Variants in ESRRG observed in about 807,000 individuals in gnomAD.
ESRRG encodes the protein estrogen-related receptor gamma.
Under a neutral mutation model 44.0 loss-of-function variants are expected in ESRRG, and 13 were observed. The ratio of observed to expected loss-of-function variants is 0.30; its 90% CI spans 0.19 to 0.47. ESRRG has a LOEUF of 0.47. Ranked by LOEUF, ESRRG falls within the 20% of genes least tolerant of loss-of-function variation. The pLI is 1.00. For missense variants in ESRRG, 395 were observed against 580.6 expected (o/e 0.68, Z 3.29); for synonymous variants, 215 against 214.6 (o/e 1.00, Z -0.02).
At chr1:216,798,737 A>G (rs1484849978) in intron 2 of ESRRG, among the ~76,000 whole-genome samples, 1 of 152,192 alleles carries the variant, frequency 6.6e-6, no homozygotes, top group African/African-American at 2.4e-5. Context: ...TTTGACAAAT[A>G]GACTGAAATA....
At position 216,507,192 on chromosome 1, in the gene ESRRG, T is replaced by G; in HGVS notation, c.1133-9A>C. On this transcript the variant is annotated splice_polypyrimidine_tract_variant and intron_variant, in intron 6 of 6. Coordinates refer to ENST00000408911, the MANE Select transcript of ESRRG (RefSeq NM_001438.4). ...TTCTATGTGCATGGAGTCTGTGCAATGAAGCAAAAGATATGAGTAATTATA... is the reference window on the plus strand; with the variant it reads ...TTCTATGTGCATGGAGTCTGTGCAAGGAAGCAAAAGATATGAGTAATTATA... 6.3e-7 allele frequency: 1 copy of G among 1,577,388 alleles called. No homozygotes were observed. Among genetic ancestry groups the G allele is most frequent in the Non-Finnish European group, 8.6e-7 (1 of 1,159,550 alleles).
chr1:216,598,782 A>G (rs1003268236), intron 3 of ESRRG, among the ~76,000 whole-genome samples: 11 of 152,134 alleles, frequency 7.2e-5, no homozygotes, highest in Non-Finnish European at 1.6e-4. Flanking sequence ...CTTCTAAGCT[A>G]TTTGTATACC....
intron 1 of ESRRG, among the ~76,000 whole-genome samples, chr1:216,950,956 T>C (rs913676189): frequency 6.6e-6 from 1 of 152,178 alleles, no homozygotes; most frequent in African/African-American, 2.4e-5. Flanking sequence ...CGAGATGTGA[T>C]ATCTTCTAAT....
intron 5 of ESRRG, among the ~76,000 whole-genome samples, chr1:216,553,465 C>A (rs1322820610): frequency 6.6e-6 from 1 of 152,126 alleles, no homozygotes; most frequent in Non-Finnish European, 1.5e-5. Context: ...AGAAATTGGT[C>A]TTTTCCCCTT....
At chr1:216,667,128 C>T (rs979617258) in intron 2 of ESRRG, among the ~76,000 whole-genome samples, 1 of 152,204 alleles carries the variant, frequency 6.6e-6, no homozygotes, top group African/African-American at 2.4e-5. Context: ...GGCAGCTTTC[C>T]ATCCACGCTA....
At chr1:216,991,999 G>A (rs911718550) in intron 1 of ESRRG, among the ~76,000 whole-genome samples, 2 of 152,166 alleles carry the variant, frequency 1.3e-5, no homozygotes, top group African/African-American at 4.8e-5. Flanking sequence ...ACCAGACAGT[G>A]TGTGATACGC....
At chr1:216,596,676 G>C (rs1407708774) in intron 3 of ESRRG, among the ~76,000 whole-genome samples, 1 of 152,126 alleles carries the variant, frequency 6.6e-6, no homozygotes, top group Non-Finnish European at 1.5e-5. Flanking sequence ...TTTCACATGT[G>C]GGACAGATGG....
intron 1 of ESRRG, among the ~76,000 whole-genome samples, chr1:216,952,183 T>G (rs1257404663): frequency 6.6e-6 from 1 of 152,138 alleles, no homozygotes; most frequent in Non-Finnish European, 1.5e-5. Context: ...CAAATGCTGA[T>G]TTGGGGCTCA....
intron 2 of ESRRG, among the ~76,000 whole-genome samples, chr1:216,776,093 C>T (rs950086154): frequency 3.9e-5 from 6 of 152,034 alleles, no homozygotes; most frequent in Non-Finnish European, 8.8e-5. Context: ...TATAATAGCT[C>T]CCTGTTACTT....
chr1:216,866,479 A>G (rs907347405), intron 2 of ESRRG, among the ~76,000 whole-genome samples: 6 of 152,194 alleles, frequency 3.9e-5, no homozygotes, highest in Admixed American at 2.0e-4. Context: ...TAAAACAACC[A>G]TATTAAAATC....
chr1:216,523,917 C>A (rs2046863615), intron 5 of ESRRG, among the ~76,000 whole-genome samples: 1 of 151,098 alleles, frequency 6.6e-6, no homozygotes, highest in Admixed American at 6.6e-5. Context: ...GCCATAATGA[C>A]TCACTGAGAT....
chr1:216,948,669 CA>C (rs2066479850), intron 1 of ESRRG, among the ~76,000 whole-genome samples: 1 of 152,034 alleles, frequency 6.6e-6, no homozygotes, highest in South Asian at 2.1e-4. Flanking sequence ...GTTGTGTTCT[CA>C]AAAATTTAAC....
Position 216,791,550 on chromosome 1 carries a change from T to A in ESRRG, c.-13-114059A>T, listed in dbSNP as rs75884008. Among the ~76,000 whole-genome samples, 1,094 of 152,190 alleles carry A rather than the reference T, an allele frequency of 7.2e-3. 52 individuals carry two copies. In the East Asian group the frequency reaches 0.13, roughly 19 times the overall value. ...GATCTCTGAAAAGATTCCTTGGAAATCATCACTTTAATTTCTCAGACACAT... is the reference window on the plus strand; with the variant it reads ...GATCTCTGAAAAGATTCCTTGGAAAACATCACTTTAATTTCTCAGACACAT... On this transcript the variant is annotated intron_variant, in intron 2 of 7. Coordinates refer to the ESRRG transcript ENST00000359162.
chr1:216,597,833 G>A (rs528791147), intron 3 of ESRRG, among the ~76,000 whole-genome samples: 51 of 152,282 alleles, frequency 3.3e-4, no homozygotes, highest in African/African-American at 1.2e-3. Flanking sequence ...AAGGAGTGAC[G>A]TAGTGTGGAT....
chr1:216,895,909 A>T (rs1212799815), intron 2 of ESRRG, among the ~76,000 whole-genome samples: 1 of 152,200 alleles, frequency 6.6e-6, no homozygotes, highest in African/African-American at 2.4e-5. Flanking sequence ...ACTTAACCAT[A>T]AAAGACACAA....
chr1:216,529,627 C>T (rs2048702966), intron 5 of ESRRG, among the ~76,000 whole-genome samples: 1 of 152,080 alleles, frequency 6.6e-6, no homozygotes, highest in South Asian at 2.1e-4. Context: ...AAATTATTGG[C>T]ACTTCTGCCT....
Position 216,506,613 on chromosome 1 carries a change from C to T in ESRRG, c.*326G>A. The stretch of plus-strand genomic sequence containing the variant: ...AGGTAAAGAAAAGAAAGAAGGCAGG[C>T]AGACGGGAAGAAAATAAAGGAGAAT... On this transcript the variant is annotated 3_prime_UTR_variant, in exon 7 of 7. Transcript: ENST00000408911. 1 of 477,624 alleles carries T rather than the reference C, an allele frequency of 2.1e-6. No homozygotes were observed. The highest frequency in any genetic ancestry group is 4.1e-6 in the Non-Finnish European group (1 of 244,848). 29.6% of individuals were successfully genotyped at this position (477,624 alleles called of 1,614,324 possible).
chr1:216,873,261 A>G (rs2096285432), intron 2 of ESRRG, among the ~76,000 whole-genome samples: 1 of 125,188 alleles, frequency 8.0e-6, no homozygotes, highest in African/African-American at 3.2e-5. Context: ...GCTCAGGCTG[A>G]AATGCAATGG....
chr1:216,767,583 A>G (rs2093147688), intron 2 of ESRRG, among the ~76,000 whole-genome samples: 1 of 152,168 alleles, frequency 6.6e-6, no homozygotes, highest in Non-Finnish European at 1.5e-5. Flanking sequence ...CTACTAGTAC[A>G]GTTTACTTAA....
Sources: gnomAD v4.1 joint callset for allele counts (sites outside exome capture counted in the v4.1 genomes callset) on GRCh38, gnomAD v4.1.1 for gene constraint, MANE v1.5 for transcripts, NCBI Gene and HGNC (gene_info 2026-07-23, HGNC 2026-07-21) for gene names.